Variants in CNTNAP3B observed in about 807,000 individuals in gnomAD.
The protein encoded by CNTNAP3B is contactin-associated protein-like 3B.
A neutral mutation model predicts 108.9 loss-of-function variants in CNTNAP3B; 25 were observed. The observed-to-expected ratio is 0.23, with a 90% CI of 0.17 to 0.32. The LOEUF (loss-of-function observed/expected upper bound fraction) is 0.32, where lower values mean the gene tolerates loss of function less well. CNTNAP3B is among the 10% of genes least tolerant of loss of function. The pLI, the probability that CNTNAP3B is intolerant of heterozygous loss-of-function variation, is 1.00. For missense variants in CNTNAP3B, 252 were observed against 1,210.4 expected (o/e 0.21, Z 11.75); for synonymous variants, 103 against 473.4 (o/e 0.22, Z 10.16).
chr9:41,978,933 T>C (rs1197231294), intron 9 of CNTNAP3B, among the ~76,000 whole-genome samples: 2 of 146,508 alleles, frequency 1.4e-5, no homozygotes, highest in African/African-American at 5.2e-5. Context: ...TATAGAATTT[T>C]TATTTGTCAA....
chr9:41,944,450 T>C (rs1176694994), intron 13 of CNTNAP3B, among the ~76,000 whole-genome samples: 2 of 152,222 alleles, frequency 1.3e-5, no homozygotes, highest in African/African-American at 2.4e-5. Context: ...CCAGCACCAT[T>C]AATGAAGTGG....
At chr9:42,054,677 A>G (rs1416171765) in intron 3 of CNTNAP3B, among the ~76,000 whole-genome samples, 3 of 151,854 alleles carry the variant, frequency 2.0e-5, no homozygotes, top group Non-Finnish European at 4.4e-5. Flanking sequence ...ACATGGGAAA[A>G]AAAGACTCAT....
chr9:41,972,440 A>T lies in CNTNAP3B; in HGVS notation c.1478-2195T>A, dbSNP rs1410941515. On this transcript the variant is annotated intron_variant, in intron 9 of 23. Transcript: ENST00000377561. The stretch of plus-strand genomic sequence containing the variant: ...ACTGGAATAAATGAAGCACCTCTCA[A>T]TGCCTGTACTCTTATTTCCTCCCTA... Among the ~76,000 whole-genome samples the T allele has an allele frequency of 8.5e-5, 11 of 130,160 alleles. 3 individuals are homozygous for T. Among genetic ancestry groups the T allele is most frequent in the African/African-American group, 3.5e-4 (11 of 31,756 alleles). 85.4% of individuals were successfully genotyped at this position (130,160 alleles called of 152,430 possible).
rs545213840 is a variant in CNTNAP3B at position 42,124,539 on chromosome 9, C to T, written c.85+4471G>A. 8.9e-4 allele frequency among the ~76,000 whole-genome samples: 114 copies of T among 128,134 alleles called. 9 individuals are homozygous for T. Among genetic ancestry groups the T allele is most frequent in the South Asian group, 6.0e-3 (23 of 3,850 alleles). 84.1% of individuals were successfully genotyped at this position (128,134 alleles called of 152,430 possible). A position where few individuals can be genotyped will look rare whatever the true frequency, so the allele number is the denominator to read the frequency against. ...TTCTACAGTGACAGAGCAGACTTGACATGTGCACAGTCATGTACAACCAAG... is the reference window on the plus strand; with the variant it reads ...TTCTACAGTGACAGAGCAGACTTGATATGTGCACAGTCATGTACAACCAAG... On this transcript the variant is annotated intron_variant, in intron 1 of 23. Transcript: ENST00000377561.
chr9:41,930,659 T>C (rs1232300725), intron 14 of CNTNAP3B, among the ~76,000 whole-genome samples: 1 of 152,298 alleles, frequency 6.6e-6, no homozygotes, highest in African/African-American at 2.4e-5. Flanking sequence ...GTCTCTGCCT[T>C]CTGAAAGCAC....
chr9:42,089,185 G>A (rs375538892), intron 2 of CNTNAP3B, among the ~76,000 whole-genome samples: 200 of 106,334 alleles, frequency 1.9e-3, no homozygotes, highest in East Asian at 0.01. Context: ...AGAAAGAAGG[G>A]GAAAGAAGGG....
chr9:41,969,262 C>G (rs1403331770), intron 10 of CNTNAP3B, among the ~76,000 whole-genome samples: 1 of 150,274 alleles, frequency 6.7e-6, no homozygotes, highest in East Asian at 1.9e-4. Context: ...ACTAGCATAA[C>G]TGTGGTTGTA....
At position 42,119,946 on chromosome 9, in the gene CNTNAP3B, A is replaced by C. The variant is rs1418951029; in HGVS notation, c.85+9064T>G. Among the ~76,000 whole-genome samples, 3 of 140,304 alleles carry C rather than the reference A, an allele frequency of 2.1e-5. 1 individual carries two copies. The highest frequency in any genetic ancestry group is 8.4e-5 in the African/African-American group (3 of 35,532). The allele number at this position is 140,304 out of a possible 152,430, so 92.0% of individuals were successfully genotyped here. A position where few individuals can be genotyped will look rare whatever the true frequency, so the allele number is the denominator to read the frequency against. On this transcript the variant is annotated intron_variant, in intron 1 of 23. Transcript: ENST00000377561. ...ACTTCATGTCTAAAACACCAAAAGC[A>C]ATGGCAACAAAAGCCAAAATTGACA... is the stretch of plus-strand genomic sequence containing the variant.
Position 42,110,958 on chromosome 9 carries a change from C to A in CNTNAP3B, c.86-6219G>T, listed in dbSNP as rs1828182950. On this transcript the variant is annotated intron_variant, in intron 1 of 23. Transcript: ENST00000377561. The stretch of plus-strand genomic sequence containing the variant: ...AAGCAGTGATGGTCAATGTAAAAAT[C>A]TACTGTTTTCCATATAAAAACTTCT... Among the ~76,000 whole-genome samples, 2 of 139,870 alleles carry A rather than the reference C, an allele frequency of 1.4e-5. 1 individual carries two copies. The highest frequency in any genetic ancestry group is 4.3e-4 in the East Asian group (2 of 4,612). 91.8% of individuals were successfully genotyped at this position (139,870 alleles called of 152,430 possible).
intron 3 of CNTNAP3B, among the ~76,000 whole-genome samples, chr9:42,051,847 A>G (rs1241694953): frequency 6.6e-6 from 1 of 152,244 alleles, no homozygotes; most frequent in Non-Finnish European, 1.5e-5. Context: ...AGCCGTTCCT[A>G]AACCTGAATT....
chr9:41,929,851 C>T (rs1477154188), intron 14 of CNTNAP3B, among the ~76,000 whole-genome samples: 1 of 150,972 alleles, frequency 6.6e-6, no homozygotes, highest in South Asian at 2.1e-4. Context: ...TAGCTCACTG[C>T]CATGCAAAAA....
intron 10 of CNTNAP3B, among the ~76,000 whole-genome samples, chr9:41,968,340 T>C (rs1224536914): frequency 7.1e-6 from 1 of 141,078 alleles, no homozygotes; most frequent in African/African-American, 2.8e-5. Context: ...GCTAGTTAGC[T>C]GAGCAACTTG....
At chr9:42,097,200 C>A (rs1237956781) in intron 2 of CNTNAP3B, among the ~76,000 whole-genome samples, 2 of 140,140 alleles carry the variant, frequency 1.4e-5, no homozygotes, top group African/African-American at 5.6e-5. Context: ...AGATTATCCC[C>A]GTTTTGTTTG....
At chr9:42,112,773 G>A (rs1828219966) in intron 1 of CNTNAP3B, among the ~76,000 whole-genome samples, 1 of 136,344 alleles carries the variant, frequency 7.3e-6, no homozygotes, top group Non-Finnish European at 1.6e-5. Context: ...TATAACAACA[G>A]TATACCAATT....
chr9:42,116,720 C>G (rs62558076), intron 1 of CNTNAP3B, among the ~76,000 whole-genome samples: 2 of 139,582 alleles, frequency 1.4e-5, no homozygotes, highest in Non-Finnish European at 3.1e-5. Context: ...TTAAAAGACA[C>G]AGAGTGGCAA....
At chr9:41,924,645 GCACACACACA>G (rs200851620) in intron 15 of CNTNAP3B, among the ~76,000 whole-genome samples, 28,590 of 134,752 alleles carry the variant, frequency 0.21, 536 homozygotes, top group Middle Eastern at 0.27. Flanking sequence ...TTTCCTTCCT[GCACACACACA>G]CACACACACA....
chr9:41,988,527 G>A (rs1465790321), intron 8 of CNTNAP3B, among the ~76,000 whole-genome samples: 2 of 145,220 alleles, frequency 1.4e-5, no homozygotes, highest in Non-Finnish European at 3.1e-5. Context: ...TGGGATTACA[G>A]GCGTGAGCCA....
At position 42,066,183 on chromosome 9, in the gene CNTNAP3B, T is replaced by G. The variant is rs1253167776; in HGVS notation, c.390+10686A>C. 2.9e-5 allele frequency among the ~76,000 whole-genome samples: 4 copies of G among 137,534 alleles called. 2 individuals are homozygous for G. Among genetic ancestry groups the G allele is most frequent in the Non-Finnish European group, 6.2e-5 (4 of 64,490 alleles). The allele number at this position is 137,534 out of a possible 152,430, so 90.2% of individuals were successfully genotyped here. A position where few individuals can be genotyped will look rare whatever the true frequency, so the allele number is the denominator to read the frequency against. On this transcript the variant is annotated intron_variant, in intron 3 of 23. Transcript: ENST00000377561. ...ATTACTGAGTCTTCATATCCATAAA[T>G]GAGAATTTACACAGATCTCCTTATA... is the stretch of plus-strand genomic sequence containing the variant.
At chr9:42,094,579 C>T (rs1484978139) in intron 2 of CNTNAP3B, among the ~76,000 whole-genome samples, 6 of 130,338 alleles carry the variant, frequency 4.6e-5, no homozygotes, top group African/African-American at 1.9e-4. Flanking sequence ...CACCTGAGCC[C>T]ACGGAGGTTG....
Sources: gnomAD v4.1 joint callset for allele counts (sites outside exome capture counted in the v4.1 genomes callset) on GRCh38, gnomAD v4.1.1 for gene constraint, MANE v1.5 for transcripts, NCBI Gene and HGNC (gene_info 2026-07-23, HGNC 2026-07-21) for gene names.